Variants in NAALADL2 observed in about 807,000 individuals in gnomAD.
NAALADL2 encodes the protein N-acetylated alpha-linked acidic dipeptidase like 2.
NAALADL2 carries 76 observed loss-of-function variants against 87.2 expected under a neutral mutation model. The ratio of observed to expected loss-of-function variants is 0.87; its 90% CI spans 0.72 to 1.05. The LOEUF (loss-of-function observed/expected upper bound fraction) is 1.05, where lower values mean the gene tolerates loss of function less well. Among genes scored for constraint, NAALADL2 ranks in the 50% least tolerant of loss-of-function variants. The pLI is 0.00. For missense variants in NAALADL2, 1,089 were observed against 945.8 expected (o/e 1.15, Z -1.99); for synonymous variants, 354 against 331.0 (o/e 1.07, Z -0.75).
At chr3:175,137,748 G>A (rs111516796) in intron 2 of NAALADL2, among the ~76,000 whole-genome samples, 22 of 147,564 alleles carry the variant, frequency 1.5e-4, no homozygotes, top group South Asian at 1.4e-3. Context: ...TACAGGCACC[G>A]CCACCACACC....
intron 2 of NAALADL2, among the ~76,000 whole-genome samples, chr3:174,718,297 A>G (rs1208815021): frequency 1.3e-5 from 2 of 152,192 alleles, no homozygotes; most frequent in Non-Finnish European, 2.9e-5. Flanking sequence ...TTAACAATTT[A>G]TATCATTGAC....
intron 5 of NAALADL2, among the ~76,000 whole-genome samples, chr3:175,427,015 G>T (rs565204997): frequency 1.3e-5 from 2 of 152,142 alleles, no homozygotes; most frequent in Non-Finnish European, 1.5e-5. Context: ...ATTTTTGAAA[G>T]ATTTTGCTAG....
chr3:175,715,770 A>G (rs554463660), intron 11 of NAALADL2, among the ~76,000 whole-genome samples: 2 of 152,076 alleles, frequency 1.3e-5, no homozygotes, highest in South Asian at 2.1e-4. Context: ...AGCTACTCAG[A>G]AGACTGAGGC....
chr3:174,832,701 C>A (rs1274436427), intron 3 of NAALADL2, among the ~76,000 whole-genome samples: 1 of 152,040 alleles, frequency 6.6e-6, no homozygotes, highest in Non-Finnish European at 1.5e-5. Flanking sequence ...CTCTTGACGT[C>A]GTGATCCGCC....
chr3:175,160,628 AGGCGTGAGCCACTGTG>A (rs1315457405), intron 2 of NAALADL2, among the ~76,000 whole-genome samples: 1 of 151,906 alleles, frequency 6.6e-6, no homozygotes, highest in Non-Finnish European at 1.5e-5. Context: ...CTGGGATTAC[AGGCGTGAGCCACTGTG>A]CCTAGCATGT....
intron 1 of NAALADL2, among the ~76,000 whole-genome samples, chr3:174,964,014 G>C (rs758889133): frequency 1.4e-5 from 2 of 137,980 alleles, no homozygotes; most frequent in South Asian, 4.5e-4. Flanking sequence ...ATACTTTTTC[G>C]CATGTTATTA....
chr3:175,103,980 G>A (rs897943477), intron 2 of NAALADL2, among the ~76,000 whole-genome samples: 7 of 152,032 alleles, frequency 4.6e-5, no homozygotes, highest in Admixed American at 1.3e-4. Context: ...TTACCATCCC[G>A]TGATATAAGA....
At chr3:175,035,844 C>A (rs1294604274) in intron 1 of NAALADL2, among the ~76,000 whole-genome samples, 1 of 152,046 alleles carries the variant, frequency 6.6e-6, no homozygotes, top group Non-Finnish European at 1.5e-5. Context: ...TTCCTAAGTC[C>A]AACCTGGACT....
At chr3:174,513,640 G>A (rs1219043022) in intron 1 of NAALADL2, 2 of 152,012 alleles carry the variant, frequency 1.3e-5, no homozygotes, top group African/African-American at 4.8e-5. Context: ...GAATAAATTC[G>A]GTTTAGAGAT....
chr3:174,929,295 A>G (rs192077614), intron 1 of NAALADL2, among the ~76,000 whole-genome samples: 58 of 152,348 alleles, frequency 3.8e-4, no homozygotes, highest in Non-Finnish European at 7.2e-4. Context: ...GATTGCAGTG[A>G]GGAAAGTGAA....
chr3:175,452,910 A>C (rs1234273027), intron 6 of NAALADL2, among the ~76,000 whole-genome samples: 1 of 152,150 alleles, frequency 6.6e-6, no homozygotes, highest in Non-Finnish European at 1.5e-5. Flanking sequence ...TGGGGAGTGC[A>C]GGCTGGGCTT....
chr3:175,257,001 A>G (rs948248862), intron 4 of NAALADL2: 1 of 152,184 alleles, frequency 6.6e-6, no homozygotes, highest in African/African-American at 2.4e-5. Context: ...ATACAACTAC[A>G]GTTACTAACT....
chr3:175,730,395 G>GATATATATAT (rs5854656), intron 11 of NAALADL2, among the ~76,000 whole-genome samples: 20 of 55,736 alleles, frequency 3.6e-4, no homozygotes, highest in East Asian at 2.3e-3. Context: ...ACTTAATACA[G>GATATATATAT]ATATATATAT....
rs938014640 is a variant in NAALADL2, at chr3:175,639,311, C to A, written c.1896+11925C>A. Among the ~76,000 whole-genome samples, 92 of 130,804 alleles carry A rather than the reference C, an allele frequency of 7.0e-4. 2 individuals carry two copies. In the East Asian group the frequency reaches 0.017, roughly 24 times the overall value. 85.8% of individuals were successfully genotyped at this position (130,804 alleles called of 152,430 possible). A position where few individuals can be genotyped will look rare whatever the true frequency, so the allele number is the denominator to read the frequency against. ...GCCCACAGCAGTTTTTTTTCAAAAG[C>A]GTTATTCTTTTTTTTTTTTTTTTTT... is the stretch of plus-strand genomic sequence containing the variant. On this transcript the variant is annotated intron_variant, in intron 11 of 13. Transcript: ENST00000454872.
chr3:174,683,856 A>G (rs1187708529), intron 2 of NAALADL2, among the ~76,000 whole-genome samples: 10 of 151,994 alleles, frequency 6.6e-5, no homozygotes, highest in Non-Finnish European at 1.5e-4. Context: ...ATGAGAATCT[A>G]TTTTTTCAGA....
chr3:175,722,915 T>C lies in NAALADL2; in HGVS notation c.1897-14391T>C, dbSNP rs1025004891. On this transcript the variant is annotated intron_variant, in intron 11 of 13. Coordinates refer to ENST00000454872, the MANE Select transcript of NAALADL2 (RefSeq NM_207015.3). ...TCCTTGAAAAGAGTGAACAGCCATA[T>C]GATACAATGATGCACAGTGTAGTGT... Among the ~76,000 whole-genome samples the C allele has an allele frequency of 3.9e-5, 6 of 152,154 alleles. No homozygotes were observed. In the South Asian group the frequency reaches 1.2e-3, roughly 31 times the overall value.
intron 2 of NAALADL2, among the ~76,000 whole-genome samples, chr3:175,177,192 AC>A (rs1461482531): frequency 6.6e-6 from 1 of 151,892 alleles, no homozygotes; most frequent in Non-Finnish European, 1.5e-5. Context: ...TTTCCCTAAT[AC>A]CTTACTACTT....
chr3:175,199,842 A>T (rs1380594890), intron 2 of NAALADL2, among the ~76,000 whole-genome samples: 1 of 16,308 alleles, frequency 6.1e-5, no homozygotes, highest in African/African-American at 1.6e-4. Flanking sequence ...ATATATATAT[A>T]TATATATATA....
At chr3:174,482,678 A>T (rs1014279790) in intron 1 of NAALADL2, among the ~76,000 whole-genome samples, 2 of 151,682 alleles carry the variant, frequency 1.3e-5, no homozygotes, top group Non-Finnish European at 2.9e-5. Flanking sequence ...TCCCCTCCCA[A>T]CCCCTCTGTC....
Sources: gnomAD v4.1 joint callset for allele counts (sites outside exome capture counted in the v4.1 genomes callset) on GRCh38, gnomAD v4.1.1 for gene constraint, MANE v1.5 for transcripts, NCBI Gene and HGNC (gene_info 2026-07-23, HGNC 2026-07-21) for gene names.